Variants in OSBPL8 observed in about 807,000 individuals in gnomAD.
The protein encoded by OSBPL8 is oxysterol-binding protein-related protein 8.
Under a neutral mutation model 125.5 loss-of-function variants are expected in OSBPL8, and 59 were observed. That is an observed-to-expected ratio of 0.47 (90% CI 0.38 to 0.58). The LOEUF is 0.58. Among genes scored for constraint, OSBPL8 ranks in the 20% least tolerant of loss-of-function variants. The pLI, the probability that OSBPL8 is intolerant of heterozygous loss-of-function variation, is 0.00. For synonymous variants in OSBPL8, 330 were observed against 338.9 expected, an observed-to-expected ratio of 0.97 and a Z score of 0.29; for missense variants, 758 against 1,047.8, an observed-to-expected ratio of 0.72 and a Z score of 3.82.
intron 21 of OSBPL8, among the ~76,000 whole-genome samples, chr12:76,360,259 T>A (rs1407382662): frequency 6.6e-6 from 1 of 152,220 alleles, no homozygotes; most frequent in Non-Finnish European, 1.5e-5. Flanking sequence ...CCCATGCAAG[T>A]CTGAGATCCA....
At chr12:76,543,781 A>G (rs1268317919) in intron 1 of OSBPL8, among the ~76,000 whole-genome samples, 1 of 152,222 alleles carries the variant, frequency 6.6e-6, no homozygotes, top group African/African-American at 2.4e-5. Flanking sequence ...AATTATTCAC[A>G]AAAAGTTTAA....
At chr12:76,555,897 T>C (rs534137285) in intron 1 of OSBPL8, among the ~76,000 whole-genome samples, 7 of 152,314 alleles carry the variant, frequency 4.6e-5, no homozygotes, top group Admixed American at 2.6e-4. Flanking sequence ...AAAGACTTAC[T>C]GTGCTTTATC....
chr12:76,461,845 T>G (rs1488320330), intron 2 of OSBPL8, among the ~76,000 whole-genome samples: 3 of 152,208 alleles, frequency 2.0e-5, no homozygotes, highest in Non-Finnish European at 4.4e-5. Context: ...TCTTGGATTT[T>G]GATCCACGGA....
At chr12:76,451,374 A>C (rs1361979799) in intron 3 of OSBPL8, among the ~76,000 whole-genome samples, 1 of 152,182 alleles carries the variant, frequency 6.6e-6, no homozygotes, top group Non-Finnish European at 1.5e-5. Context: ...TAAACATATA[A>C]AGATACTCAG....
At chr12:76,375,406 G>A (rs1296904318) in intron 16 of OSBPL8, 36 bp from the exon 17 acceptor site, 3 of 1,366,558 alleles carry the variant, frequency 2.2e-6, no homozygotes, top group Non-Finnish European at 1.0e-6. Flanking sequence ...ATTGAAAAGA[G>A]TATAGTATAG....
rs559693636 is a variant in OSBPL8 at position 76,466,738 on chromosome 12, C to T, written c.43-6843G>A. 1.5e-3 allele frequency among the ~76,000 whole-genome samples: 222 copies of T among 152,240 alleles called. 1 individual carries two copies. Among genetic ancestry groups the T allele is most frequent in the African/African-American group, 5.2e-3 (215 of 41,542 alleles). On this transcript the variant is annotated intron_variant, in intron 2 of 23. Transcript: ENST00000261183. ...CTTTAGGAGGCCGAAGCGGGTGGAT[C>T]ATTTGAGGTCAGGAGTTCGAGAACA... is the stretch of plus-strand genomic sequence containing the variant.
At chr12:76,448,182 A>T (rs1014741351) in intron 4 of OSBPL8, among the ~76,000 whole-genome samples, 3 of 152,148 alleles carry the variant, frequency 2.0e-5, no homozygotes, top group African/African-American at 7.2e-5. Context: ...GCTGTACCCT[A>T]AATAAATGAA....
chr12:76,478,798 G>A (rs572112154), intron 2 of OSBPL8, among the ~76,000 whole-genome samples: 1 of 152,106 alleles, frequency 6.6e-6, no homozygotes, highest in Admixed American at 6.5e-5. Context: ...TAAACAAAGT[G>A]TAACAGGCCG....
intron 1 of OSBPL8, among the ~76,000 whole-genome samples, chr12:76,526,393 T>G (rs1950172016): frequency 7.1e-6 from 1 of 140,840 alleles, no homozygotes; most frequent in African/African-American, 3.2e-5. Context: ...ATTTAATGAT[T>G]TTCCCCCATA....
intron 7 of OSBPL8, among the ~76,000 whole-genome samples, chr12:76,398,684 A>C (rs1592604174): frequency 6.6e-6 from 1 of 152,210 alleles, no homozygotes; most frequent in South Asian, 2.1e-4. Flanking sequence ...AACATCTGTT[A>C]TTTCAATGCA....
intron 4 of OSBPL8, among the ~76,000 whole-genome samples, chr12:76,430,836 C>T (rs1457299078): frequency 6.6e-6 from 1 of 152,074 alleles, no homozygotes; most frequent in Non-Finnish European, 1.5e-5. Flanking sequence ...ATGAGGGGAG[C>T]TCATCCCCAC....
At chr12:76,524,907 C>T (rs1950128271) in intron 1 of OSBPL8, among the ~76,000 whole-genome samples, 1 of 152,116 alleles carries the variant, frequency 6.6e-6, no homozygotes, top group African/African-American at 2.4e-5. Context: ...TGGTCTCGAA[C>T]TCCTGACCTT....
intron 1 of OSBPL8, among the ~76,000 whole-genome samples, chr12:76,546,499 T>C (rs537003637): frequency 9.2e-5 from 14 of 152,292 alleles, no homozygotes; most frequent in South Asian, 4.1e-4. Flanking sequence ...GAAGATTCTA[T>C]TTTCTAGCAG....
intron 4 of OSBPL8, among the ~76,000 whole-genome samples, chr12:76,439,684 A>C (rs1453066182): frequency 6.6e-6 from 1 of 152,194 alleles, no homozygotes; most frequent in African/African-American, 2.4e-5. Flanking sequence ...TTTAAAGATT[A>C]TAAAAATCAC....
intron 2 of OSBPL8, among the ~76,000 whole-genome samples, chr12:76,462,076 G>A (rs1874812613): frequency 6.6e-6 from 1 of 152,116 alleles, no homozygotes; most frequent in South Asian, 2.1e-4. Flanking sequence ...ACTTCCTAAA[G>A]GAAAGCAGTG....
rs1030254480 is a variant in OSBPL8 at position 76,353,699 on chromosome 12, A to T, written c.*2190T>A. 6 of 152,436 alleles carry T rather than the reference A, an allele frequency of 3.9e-5. No homozygotes were observed. The highest frequency in any genetic ancestry group is 1.4e-4 in the African/African-American group (6 of 41,448). The allele number at this position is 152,436 out of a possible 1,614,324, so 9.4% of individuals were successfully genotyped here. A position where few individuals can be genotyped will look rare whatever the true frequency, so the allele number is the denominator to read the frequency against. On this transcript the variant is annotated 3_prime_UTR_variant, in exon 24 of 24. Transcript: ENST00000261183. ...CTGAGTTTTGTGTTCAGTTCATAGA[A>T]AGAGACTCATACAACTAAAAGCATA...
intron 21 of OSBPL8, among the ~76,000 whole-genome samples, chr12:76,363,889 C>A (rs567017982): frequency 6.6e-6 from 1 of 152,228 alleles, no homozygotes; most frequent in Non-Finnish European, 1.5e-5. Flanking sequence ...ATGCAGCCAA[C>A]AAACACATGA....
chr12:76,421,560 T>C (rs1188097487), intron 4 of OSBPL8, among the ~76,000 whole-genome samples: 1 of 152,056 alleles, frequency 6.6e-6, no homozygotes, highest in East Asian at 1.9e-4. Context: ...AACATGAATA[T>C]TCAGAAAGCC....
rs769836652 is a variant in OSBPL8 at position 76,386,673 on chromosome 12, A to G, written c.1353-13T>C. The G allele has an allele frequency of 2.0e-5, 32 of 1,579,782 alleles. No homozygotes were observed. Among genetic ancestry groups the G allele is most frequent in the Non-Finnish European group, 2.6e-5 (30 of 1,161,908 alleles). On this transcript the variant is annotated splice_polypyrimidine_tract_variant and intron_variant, in intron 12 of 23. Coordinates refer to ENST00000261183, the MANE Select transcript of OSBPL8 (RefSeq NM_020841.5). ...TTCAAGAGCTGCCCTAAAACACAAA[A>G]CGGTAAACAAAAATTTTAAAAAATG...
Sources: allele counts gnomAD v4.1 joint callset (sites outside exome capture counted in the v4.1 genomes callset), GRCh38; gene constraint gnomAD v4.1.1; transcripts MANE v1.5; gene names NCBI Gene and HGNC (gene_info 2026-07-23, HGNC 2026-07-21).